Variants in CSMD1 observed in about 807,000 individuals in gnomAD.
The protein encoded by CSMD1 is CUB and Sushi multiple domains 1.
Under a neutral mutation model 417.5 loss-of-function variants are expected in CSMD1, and 213 were observed. The observed-to-expected ratio is 0.51, with a 90% CI of 0.46 to 0.57. The LOEUF is 0.57. CSMD1 is among the 20% of genes least tolerant of loss of function. The probability of loss-of-function intolerance (pLI) is 0.00; values close to 1 mark genes in which losing one functional copy is unlikely to be tolerated. For synonymous variants in CSMD1, 2,862 were observed against 1,736.8 expected (o/e 1.65, Z -16.11); for missense variants, 6,923 against 4,529.7 (o/e 1.53, Z -15.17).
intron 1 of CSMD1, among the ~76,000 whole-genome samples, chr8:4,735,627 TGAG>T (rs955691303): frequency 2.6e-5 from 4 of 152,196 alleles, no homozygotes; most frequent in African/African-American, 7.2e-5. Flanking sequence ...GCAATGATGA[TGAG>T]AAGACTAATA....
At chr8:3,692,948 C>T (rs1340067391) in intron 7 of CSMD1, among the ~76,000 whole-genome samples, 1 of 152,046 alleles carries the variant, frequency 6.6e-6, no homozygotes, top group Non-Finnish European at 1.5e-5. Context: ...AAAAGTGATC[C>T]TGTTTTTTTG....
intron 5 of CSMD1, among the ~76,000 whole-genome samples, chr8:3,963,531 T>C (rs1812467068): frequency 6.6e-6 from 1 of 152,196 alleles, no homozygotes; most frequent in African/African-American, 2.4e-5. Flanking sequence ...GAAAATTTTC[T>C]ATTATAAACA....
intron 1 of CSMD1, among the ~76,000 whole-genome samples, chr8:4,860,471 A>C (rs1253884704): frequency 6.6e-6 from 1 of 151,710 alleles, no homozygotes; most frequent in South Asian, 2.1e-4. Flanking sequence ...CTCGCCATGT[A>C]ATTTGCTGGC....
chr8:3,031,230 C>G (rs942107545), intron 50 of CSMD1, among the ~76,000 whole-genome samples: 5 of 147,736 alleles, frequency 3.4e-5, no homozygotes, highest in African/African-American at 1.2e-4. Flanking sequence ...AAACATGCAC[C>G]GCATGTTCTC....
chr8:4,237,381 A>C (rs1451693178), intron 3 of CSMD1, among the ~76,000 whole-genome samples: 3 of 152,096 alleles, frequency 2.0e-5, no homozygotes, highest in Non-Finnish European at 4.4e-5. Flanking sequence ...GTTTCCGTTT[A>C]TATAAAATGA....
intron 51 of CSMD1, among the ~76,000 whole-genome samples, chr8:3,022,147 C>A (rs1281859675): frequency 6.8e-6 from 1 of 147,538 alleles, no homozygotes; most frequent in Non-Finnish European, 1.5e-5. Context: ...CAGAATGCAC[C>A]TGCAATCCAA....
At chr8:4,136,183 A>G (rs555558727) in intron 3 of CSMD1, among the ~76,000 whole-genome samples, 1 of 152,316 alleles carries the variant, frequency 6.6e-6, no homozygotes, top group South Asian at 2.1e-4. Context: ...GATATACACA[A>G]AAGAACAGCT....
chr8:4,125,745 A>T (rs1164512635), intron 3 of CSMD1, among the ~76,000 whole-genome samples: 1 of 152,182 alleles, frequency 6.6e-6, no homozygotes, highest in Non-Finnish European at 1.5e-5. Context: ...TGACTCTGAA[A>T]CAAAATTGTT....
At chr8:4,299,437 T>A (rs1797863711) in intron 3 of CSMD1, among the ~76,000 whole-genome samples, 1 of 152,144 alleles carries the variant, frequency 6.6e-6, no homozygotes, top group African/African-American at 2.4e-5. Context: ...CTACAGTCTT[T>A]CAAAAAGCCA....
At chr8:4,904,046 T>G (rs1294340679) in intron 1 of CSMD1, among the ~76,000 whole-genome samples, 1 of 152,180 alleles carries the variant, frequency 6.6e-6, no homozygotes, top group Non-Finnish European at 1.5e-5. Context: ...AGGACTGGCA[T>G]TAGTGTAAGA....
intron 2 of CSMD1, among the ~76,000 whole-genome samples, chr8:4,442,229 T>C (rs1585081482): frequency 6.6e-6 from 1 of 152,300 alleles, no homozygotes; most frequent in South Asian, 2.1e-4. Flanking sequence ...TCATACACAG[T>C]GCAGTGATGG....
chr8:4,834,096 G>T (rs1165204624), intron 1 of CSMD1, among the ~76,000 whole-genome samples: 1 of 152,140 alleles, frequency 6.6e-6, no homozygotes, highest in African/African-American at 2.4e-5. Context: ...ATATTCAAAT[G>T]AATTCCTTTT....
At chr8:3,461,160 T>C (rs1816476236) in intron 12 of CSMD1, among the ~76,000 whole-genome samples, 1 of 152,124 alleles carries the variant, frequency 6.6e-6, no homozygotes, top group Admixed American at 6.5e-5. Flanking sequence ...TAGAGAGGGC[T>C]CATAGCTGCA....
rs199636628 is a variant in CSMD1 at position 3,288,165 on chromosome 8, T to G, written c.3951-3819A>C. 5.4e-5 allele frequency among the ~76,000 whole-genome samples: 8 copies of G among 147,370 alleles called. No homozygotes were observed. In the East Asian group the frequency reaches 5.9e-4, roughly 11 times the overall value. On this transcript the variant is annotated intron_variant, in intron 25 of 69. Coordinates refer to ENST00000635120, the MANE Select transcript of CSMD1 (RefSeq NM_033225.6). ...CCAGGGATGAAGCCCACTTGATCATTGTGGATAAGCTTTTTGATGTATTGC... is the reference window on the plus strand; with the variant it reads ...CCAGGGATGAAGCCCACTTGATCATGGTGGATAAGCTTTTTGATGTATTGC...
chr8:4,162,189 T>C (rs1411752813), intron 3 of CSMD1, among the ~76,000 whole-genome samples: 1 of 152,206 alleles, frequency 6.6e-6, no homozygotes, highest in Non-Finnish European at 1.5e-5. Flanking sequence ...AACTTTTCTT[T>C]CCAAAATTAT....
chr8:4,256,889 T>C (rs533092945), intron 3 of CSMD1, among the ~76,000 whole-genome samples: 1 of 152,294 alleles, frequency 6.6e-6, no homozygotes, highest in East Asian at 1.9e-4. Flanking sequence ...TACTGGACGA[T>C]GTGGTTCAGA....
intron 2 of CSMD1, among the ~76,000 whole-genome samples, chr8:4,443,059 T>G (rs970295299): frequency 1.3e-5 from 2 of 152,208 alleles, no homozygotes; most frequent in Non-Finnish European, 2.9e-5. Context: ...ATACAATTAT[T>G]TGAGAAGAGT....
At chr8:4,252,846 A>G (rs1229157552) in intron 3 of CSMD1, among the ~76,000 whole-genome samples, 1 of 152,236 alleles carries the variant, frequency 6.6e-6, no homozygotes, top group Non-Finnish European at 1.5e-5. Context: ...GAGTTGCAGC[A>G]GCCTTCTTGG....
At chr8:3,090,131 G>A (rs1418765734) in intron 48 of CSMD1, among the ~76,000 whole-genome samples, 2 of 151,718 alleles carry the variant, frequency 1.3e-5, no homozygotes, top group South Asian at 2.1e-4. Context: ...TGGCTAACAC[G>A]GTGAAACCCC....
Sources: gnomAD v4.1 joint callset for allele counts (sites outside exome capture counted in the v4.1 genomes callset) on GRCh38, gnomAD v4.1.1 for gene constraint, MANE v1.5 for transcripts, NCBI Gene and HGNC (gene_info 2026-07-23, HGNC 2026-07-21) for gene names.